MAPK14: variants seen among roughly 807,000 people sequenced by gnomAD.
MAPK14 encodes CSAID-binding protein.
Under a neutral mutation model 49.6 loss-of-function variants are expected in MAPK14, and 16 were observed. The ratio of observed to expected loss-of-function variants is 0.32; its 90% CI spans 0.22 to 0.49. The LOEUF is 0.49. Ranked by LOEUF, MAPK14 falls within the 20% of genes least tolerant of loss-of-function variation. The pLI, the probability that MAPK14 is intolerant of heterozygous loss-of-function variation, is 0.99. For synonymous variants in MAPK14, 142 were observed against 158.0 expected, an observed-to-expected ratio of 0.90 and a Z score of 0.76; for missense variants, 200 against 441.2, an observed-to-expected ratio of 0.45 and a Z score of 4.90.
the MAPK14 span, among the ~76,000 whole-genome samples, chr6:36,117,686 A>G: frequency 1.3e-5 from 2 of 152,340 alleles, no homozygotes; most frequent in East Asian, 3.9e-4. Flanking sequence ...CCAATAATAG[A>G]GAGTGGGGCT....
intron 3 of MAPK14, among the ~76,000 whole-genome samples, chr6:36,060,536 G>A (rs73730405): frequency 0.029 from 4,471 of 152,238 alleles, 209 homozygotes; most frequent in African/African-American, 0.087. Flanking sequence ...ACTGAAGATC[G>A]TGACTTCTCT....
intron 8 of MAPK14, among the ~76,000 whole-genome samples, chr6:36,079,665 T>C (rs1040700785): frequency 2.0e-5 from 3 of 152,206 alleles, no homozygotes; most frequent in Non-Finnish European, 4.4e-5. Context: ...CTGTTTTCCT[T>C]ATTTATTGAT....
chr6:36,115,756 C>T (rs774947003), downstream of MAPK14, among the ~76,000 whole-genome samples: 3 of 151,986 alleles, frequency 2.0e-5, no homozygotes, highest in Non-Finnish European at 4.4e-5. Context: ...ACTAAAAATA[C>T]GAAATTAGTA....
At position 36,107,387 on chromosome 6, in the gene MAPK14, G is replaced by C. The variant is rs1765831636; in HGVS notation, c.842-68G>C. The C allele has an allele frequency of 1.8e-6, 2 of 1,136,520 alleles. No homozygotes were observed. The highest frequency in any genetic ancestry group is 3.8e-5 in the South Asian group (2 of 52,704). 70.4% of individuals were successfully genotyped at this position (1,136,520 alleles called of 1,614,324 possible). On this transcript the variant is annotated intron_variant, in intron 10 of 11. Coordinates refer to ENST00000229794, the MANE Select transcript of MAPK14 (RefSeq NM_139012.3). The surrounding 1 kb of genome is among the most constrained non-coding windows in gnomAD (Gnocchi z 4.3). ...GATATGAAGGGTCAAAACTATGTTT[G>C]CTCAATAAGGCATACTTTTTTGTAA...
downstream of MAPK14, among the ~76,000 whole-genome samples, chr6:36,111,982 A>G (rs945150042): frequency 6.6e-6 from 1 of 151,976 alleles, no homozygotes; most frequent in Non-Finnish European, 1.5e-5. Context: ...TGAGGCGGGC[A>G]GATCACGAGG....
intron 11 of MAPK14, 134 bp from the exon 12 acceptor site, chr6:36,108,246 T>TA: frequency 2.9e-6 from 2 of 685,096 alleles, no homozygotes; most frequent in South Asian, 3.2e-5. Flanking sequence ...GGCTATTACA[T>TA]ACAAGCTGTG....
At chr6:36,039,227 A>C (rs867471492) in intron 1 of MAPK14, among the ~76,000 whole-genome samples, 23 of 152,110 alleles carry the variant, frequency 1.5e-4, no homozygotes, top group African/African-American at 5.3e-4. Context: ...CCCCTCTTTT[A>C]CTGCTCTATC....
intron 8 of MAPK14, among the ~76,000 whole-genome samples, chr6:36,090,687 C>T (rs1449011234): frequency 9.9e-5 from 15 of 152,050 alleles, no homozygotes; most frequent in African/African-American, 2.7e-4. Context: ...TCATCACGCC[C>T]GGCTAATTTT....
At chr6:36,059,981 G>T (rs1210341127) in intron 3 of MAPK14, among the ~76,000 whole-genome samples, 1 of 152,204 alleles carries the variant, frequency 6.6e-6, no homozygotes, top group Non-Finnish European at 1.5e-5. Flanking sequence ...GACTCTACCT[G>T]TTGAGAAAGG....
At chr6:36,074,276 G>T (rs1425123450) in intron 6 of MAPK14, among the ~76,000 whole-genome samples, 180 bp downstream of exon 6, 1 of 152,034 alleles carries the variant, frequency 6.6e-6, no homozygotes, top group African/African-American at 2.4e-5. Context: ...CATTGAAAGT[G>T]GCATCACTTG....
intron 3 of MAPK14, among the ~76,000 whole-genome samples, chr6:36,060,736 TAAAG>T (rs1562117635): frequency 1.3e-5 from 2 of 151,944 alleles, no homozygotes; most frequent in African/African-American, 2.4e-5. Flanking sequence ...GAGAAAGAAA[TAAAG>T]AAGATGAAAT....
downstream of MAPK14, among the ~76,000 whole-genome samples, chr6:36,113,343 TA>T (rs35876911): frequency 0.13 from 9,409 of 71,504 alleles, 188 homozygotes; most frequent in Middle Eastern, 0.15. Context: ...CCCTGTCTCA[TA>T]AAAAAAAAAA....
intron 8 of MAPK14, among the ~76,000 whole-genome samples, chr6:36,082,574 G>A (rs1432255440): frequency 6.6e-6 from 1 of 152,184 alleles, no homozygotes; most frequent in Non-Finnish European, 1.5e-5. Flanking sequence ...GGGGGAACAG[G>A]CATGTCACAT....
chr6:36,103,000 C>T (rs1765687293), intron 10 of MAPK14, among the ~76,000 whole-genome samples: 1 of 152,146 alleles, frequency 6.6e-6, no homozygotes, highest in Admixed American at 6.5e-5. Context: ...TTTATGGTGT[C>T]TCTGAGTGGA....
At chr6:36,035,752 A>T (rs943420681) in intron 1 of MAPK14, among the ~76,000 whole-genome samples, 1 of 152,250 alleles carries the variant, frequency 6.6e-6, no homozygotes, top group Non-Finnish European at 1.5e-5. Context: ...TGGTCTGGAT[A>T]AAAGATCAGA....
At chr6:36,080,910 T>C (rs1764732819) in intron 8 of MAPK14, among the ~76,000 whole-genome samples, 1 of 152,126 alleles carries the variant, frequency 6.6e-6, no homozygotes. Flanking sequence ...TGGTTTTGAT[T>C]TGCATTTCTC....
intron 8 of MAPK14, among the ~76,000 whole-genome samples, chr6:36,090,003 C>T (rs1765154101): frequency 6.6e-6 from 1 of 152,142 alleles, no homozygotes; most frequent in Non-Finnish European, 1.5e-5. Flanking sequence ...ATGTGTAAAA[C>T]CTTCTTTAAT....
At chr6:36,041,104 A>G (rs1171191676) in intron 1 of MAPK14, among the ~76,000 whole-genome samples, 2 of 152,166 alleles carry the variant, frequency 1.3e-5, no homozygotes, top group Non-Finnish European at 2.9e-5. Flanking sequence ...CTGGTACCTT[A>G]GAAGATACAA....
intron 4 of MAPK14, among the ~76,000 whole-genome samples, chr6:36,073,284 T>G (rs1581790326): frequency 1.3e-5 from 2 of 152,370 alleles, no homozygotes; most frequent in East Asian, 3.9e-4. Context: ...ATAAGGACTC[T>G]TCATTCTTAC....
Sources: gnomAD v4.1 joint callset for allele counts (sites outside exome capture counted in the v4.1 genomes callset) on GRCh38, gnomAD v4.1.1 for gene constraint, Gnocchi (gnomAD v3.1) non-coding constraint, MANE v1.5 for transcripts, NCBI Gene and HGNC (gene_info 2026-07-23, HGNC 2026-07-21) for gene names.